Variants in NR3C2 observed in about 807,000 individuals in gnomAD.
NR3C2 encodes the protein mineralocorticoid receptor.
A neutral mutation model predicts 86.4 loss-of-function variants in NR3C2; 15 were observed. The ratio of observed to expected loss-of-function variants is 0.17; its 90% CI spans 0.12 to 0.27. NR3C2 has a LOEUF of 0.27. Ranked by LOEUF, NR3C2 falls within the 10% of genes least tolerant of loss-of-function variation. NR3C2 has a pLI of 1.00. For missense variants in NR3C2, 960 were observed against 1,195.6 expected (o/e 0.80, Z 2.91); for synonymous variants, 458 against 450.5 (o/e 1.02, Z -0.21).
intron 4 of NR3C2, among the ~76,000 whole-genome samples, chr4:148,162,821 T>G (rs1734723756): frequency 6.6e-6 from 1 of 152,170 alleles, no homozygotes; most frequent in Non-Finnish European, 1.5e-5. Flanking sequence ...CAACTCCTAC[T>G]TGGGCCCTGT....
At chr4:148,229,330 C>T (rs1235185203) in intron 3 of NR3C2, among the ~76,000 whole-genome samples, 2 of 152,188 alleles carry the variant, frequency 1.3e-5, no homozygotes, top group African/African-American at 4.8e-5. Flanking sequence ...AGAACCCCCT[C>T]TTTCTTCGCT....
rs1172468336 is a variant in NR3C2 at position 148,333,260 on chromosome 4, A to G, written c.1758-73143T>C. Among the ~76,000 whole-genome samples the G allele has an allele frequency of 2.6e-5, 4 of 152,170 alleles. No individual in the cohort carries two copies. The East Asian group carries it at 7.7e-4, about 29-fold the overall frequency. ...CACTGCACTCCAGTCTGGGCCACAG[A>G]AAAAATAAAAACCAAGAAAAGAAAA... is the stretch of plus-strand genomic sequence containing the variant. On this transcript the variant is annotated intron_variant, in intron 2 of 8. Transcript: ENST00000358102.
chr4:148,248,799 T>G (rs538927659), intron 3 of NR3C2, among the ~76,000 whole-genome samples: 6 of 152,332 alleles, frequency 3.9e-5, no homozygotes, highest in Admixed American at 3.9e-4. Flanking sequence ...AGTTTAAATA[T>G]TCCAAATTTT....
At chr4:148,388,249 A>G (rs536854539) in intron 2 of NR3C2, among the ~76,000 whole-genome samples, 4 of 152,380 alleles carry the variant, frequency 2.6e-5, no homozygotes, top group African/African-American at 9.6e-5. Flanking sequence ...TGCTACATCC[A>G]AAATGCCTGG....
Position 148,081,156 on chromosome 4 carries a change from C to T in NR3C2, c.*188G>A, listed in dbSNP as rs1339467411. The T allele has an allele frequency of 4.1e-6, 3 of 727,170 alleles. No individual in the cohort carries two copies. Among genetic ancestry groups the T allele is most frequent in the Non-Finnish European group, 7.1e-6 (3 of 421,682 alleles). The allele number at this position is 727,170 out of a possible 1,614,324, so 45.0% of individuals were successfully genotyped here. A position where few individuals can be genotyped will look rare whatever the true frequency, so the allele number is the denominator to read the frequency against. ...GAGGTGGGGAATCCTTCAGACTGCTCTGGTCTCGCCAAATCCACGGAAAAA... is the reference window on the plus strand; with the variant it reads ...GAGGTGGGGAATCCTTCAGACTGCTTTGGTCTCGCCAAATCCACGGAAAAA... On this transcript the variant is annotated 3_prime_UTR_variant, in exon 9 of 9. Coordinates refer to ENST00000358102, the MANE Select transcript of NR3C2 (RefSeq NM_000901.5).
intron 6 of NR3C2, among the ~76,000 whole-genome samples, chr4:148,147,718 T>C (rs1286666844): frequency 6.6e-6 from 1 of 152,216 alleles, no homozygotes; most frequent in Non-Finnish European, 1.5e-5. Context: ...GCATCACTAC[T>C]GCTCTTTACA....
intron 2 of NR3C2, among the ~76,000 whole-genome samples, chr4:148,271,050 TCTA>T (rs1381118879): frequency 1.3e-5 from 2 of 152,178 alleles, no homozygotes; most frequent in Non-Finnish European, 2.9e-5. Context: ...GCAATAGTGC[TCTA>T]CTAAGTATGG....
intron 3 of NR3C2, among the ~76,000 whole-genome samples, chr4:148,256,112 A>G (rs1739819474): frequency 6.6e-6 from 1 of 152,208 alleles, no homozygotes; most frequent in Admixed American, 6.6e-5. Flanking sequence ...CAACTGTGGG[A>G]CTGCCACAGA....
At chr4:148,229,871 C>T (rs1738371995) in intron 3 of NR3C2, among the ~76,000 whole-genome samples, 1 of 152,166 alleles carries the variant, frequency 6.6e-6, no homozygotes, top group Non-Finnish European at 1.5e-5. Context: ...CCCTAAAGAA[C>T]TCTAGGTCTG....
intron 3 of NR3C2, among the ~76,000 whole-genome samples, chr4:148,241,777 C>A (rs1579057371): frequency 6.6e-6 from 1 of 152,208 alleles, no homozygotes; most frequent in Admixed American, 6.5e-5. Flanking sequence ...GCATCTGACA[C>A]CCAGGAGATA....
At chr4:148,437,760 A>G (rs989403942) in intron 1 of NR3C2, among the ~76,000 whole-genome samples, 1 of 152,156 alleles carries the variant, frequency 6.6e-6, no homozygotes, top group Non-Finnish European at 1.5e-5. Context: ...TCATTCAACA[A>G]TATTTACCAA....
intron 7 of NR3C2, among the ~76,000 whole-genome samples, chr4:148,118,039 G>A (rs1732349570): frequency 6.6e-6 from 1 of 152,048 alleles, no homozygotes; most frequent in Non-Finnish European, 1.5e-5. Flanking sequence ...TCTCCACATT[G>A]TCTCCTGTCA....
chr4:148,133,179 G>A (rs1212389572), intron 6 of NR3C2, among the ~76,000 whole-genome samples: 3 of 145,564 alleles, frequency 2.1e-5, no homozygotes, highest in Non-Finnish European at 4.5e-5. Context: ...GACGACAGGA[G>A]TAAGAACCTG....
chr4:148,444,002 G>T, upstream of NR3C2: 1 of 985,242 alleles, frequency 1.0e-6, no homozygotes, highest in East Asian at 1.1e-4. Context: ...AGCTGCCCCC[G>T]GCGTCCCCGC....
At chr4:148,174,804 C>T (rs28594566) in intron 4 of NR3C2, among the ~76,000 whole-genome samples, 7,644 of 152,220 alleles carry the variant, frequency 0.05, 260 homozygotes, top group African/African-American at 0.095. Flanking sequence ...GTTCCCCACT[C>T]TTGACTTCCC....
At chr4:148,213,211 C>A (rs539652032) in intron 3 of NR3C2, among the ~76,000 whole-genome samples, 1 of 151,916 alleles carries the variant, frequency 6.6e-6, no homozygotes, top group African/African-American at 2.4e-5. Flanking sequence ...CCACAGCACA[C>A]ACAGTGCCTT....
chr4:148,160,495 T>G (rs1233797676), intron 4 of NR3C2, among the ~76,000 whole-genome samples: 2 of 152,194 alleles, frequency 1.3e-5, no homozygotes, highest in African/African-American at 4.8e-5. Context: ...ACGTAAAGAT[T>G]CTTTAGTCTT....
At chr4:148,262,358 T>C (rs1223442785) in intron 2 of NR3C2, among the ~76,000 whole-genome samples, 2 of 152,110 alleles carry the variant, frequency 1.3e-5, no homozygotes, top group Non-Finnish European at 2.9e-5. Context: ...ATATCACCAA[T>C]ATGCTGGCAA....
chr4:148,296,472 C>G (rs1742062093), intron 2 of NR3C2, among the ~76,000 whole-genome samples: 1 of 152,054 alleles, frequency 6.6e-6, no homozygotes, highest in Admixed American at 6.6e-5. Flanking sequence ...AGACATTACA[C>G]CTTTCATAAT....
Sources: gnomAD v4.1 joint callset for allele counts (sites outside exome capture counted in the v4.1 genomes callset) on GRCh38, gnomAD v4.1.1 for gene constraint, MANE v1.5 for transcripts, NCBI Gene and HGNC (gene_info 2026-07-23, HGNC 2026-07-21) for gene names.